Variants in MYH7 observed in about 807,000 individuals in gnomAD.
The protein encoded by MYH7 is myosin heavy chain 7.
MYH7 carries 129 observed loss-of-function variants against 225.4 expected under a neutral mutation model. That is an observed-to-expected ratio of 0.57 (90% CI 0.50 to 0.66). The LOEUF is 0.66. Ranked by LOEUF, MYH7 falls within the 30% of genes least tolerant of loss-of-function variation. The pLI, the probability that MYH7 is intolerant of heterozygous loss-of-function variation, is 0.00. For missense variants in MYH7, 1,649 were observed against 2,517.0 expected (o/e 0.66, Z 7.38); for synonymous variants, 971 against 1,007.6 (o/e 0.96, Z 0.69).
Position 23,417,736 on chromosome 14 carries a change from G to C in MYH7, c.4170-50C>G, listed in dbSNP as rs768581466. ...GTGGGGAGGATGGAGGGTGTGGATG[G>C]GGACAAGAGGAAACAACATGAACCT... On this transcript the variant is annotated intron_variant, in intron 30 of 39. Coordinates refer to ENST00000355349, the MANE Select transcript of MYH7 (RefSeq NM_000257.4). 3.7e-6 allele frequency: 6 copies of C among 1,600,682 alleles called. No individual in the cohort carries two copies. The Admixed American group carries it at 1.0e-4, about 27-fold the overall frequency.
chr14:23,423,859 G>A (rs1249649524), intron 23 of MYH7, 48 bp downstream of exon 23: 1 of 1,613,596 alleles, frequency 6.2e-7, no homozygotes, highest in Non-Finnish European at 8.5e-7. Context: ...AGTATGGTCT[G>A]AGAGTCCTGA....
chr14:23,423,517 T>G, intron 24 of MYH7, 30 bp downstream of exon 24: 1 of 1,609,438 alleles, frequency 6.2e-7, no homozygotes, highest in Non-Finnish European at 8.5e-7. Context: ...ACATGGCATA[T>G]CTAGGCCCCA....
chr14:23,427,953 G>A, intron 15 of MYH7, 59 bp from the exon 16 acceptor site: 2 of 1,602,548 alleles, frequency 1.2e-6, no homozygotes, highest in Admixed American at 1.7e-5. Flanking sequence ...CATGGATTCT[G>A]CTCTATGGTC....
chr14:23,419,397 T>A, intron 28 of MYH7, 86 bp downstream of exon 28: 1 of 1,612,062 alleles, frequency 6.2e-7, no homozygotes, highest in Non-Finnish European at 8.5e-7. Flanking sequence ...TGTGTGTGCG[T>A]GTATTGGCTT....
In MYH7 at chr14:23,425,358, G is replaced by A. The variant is rs727503258; in HGVS notation, c.2347C>T (p.Arg783Cys). The A allele has an allele frequency of 5.0e-6, 8 of 1,614,124 alleles. No homozygotes were observed. The highest frequency in any genetic ancestry group is 6.8e-6 in the Non-Finnish European group (8 of 1,180,032). ...LEEMRDERLS[R>C]IITRIQAQSR... is the part of the protein sequence containing the mutation. ...TGGGCCTGGATACGCGTGATGATGC[G>A]GCTCAGCCTCTCGTCCCTCATTTCC... Residue 783 changes from arginine to cysteine, a missense_variant, in exon 21 of 40, where the codon CGC (arginine) becomes TGC (cysteine). Transcript: ENST00000355349. The surrounding 1 kb of genome is among the most constrained non-coding windows in gnomAD (Gnocchi z 4.6).
At position 23,433,377 on chromosome 14, in the gene MYH7, A is replaced by G; in HGVS notation, c.202-150T>C. ...GAAGACAGAAGGGATATTGGGAAGGAGAGGGCTCTTTGGAGGGTCTGGATT... is the reference window on the plus strand; with the variant it reads ...GAAGACAGAAGGGATATTGGGAAGGGGAGGGCTCTTTGGAGGGTCTGGATT... On this transcript the variant is annotated intron_variant, in intron 3 of 39. Coordinates refer to ENST00000355349, the MANE Select transcript of MYH7 (RefSeq NM_000257.4). The surrounding 1 kb of genome is among the most constrained non-coding windows in gnomAD (Gnocchi z 4.1). 6.9e-7 allele frequency: 1 copy of G among 1,439,224 alleles called. No homozygotes were observed. The highest frequency in any genetic ancestry group is 2.3e-5 in the East Asian group (1 of 43,062). 89.2% of individuals were successfully genotyped at this position (1,439,224 alleles called of 1,614,324 possible).
intron 25 of MYH7, chr14:23,421,652 G>T: frequency 1.4e-6 from 1 of 704,134 alleles, no homozygotes; most frequent in Non-Finnish European, 1.7e-6. Context: ...ATCAAAATAT[G>T]TTCTGCAAGC....
chr14:23,426,280 T>C (rs909373331), intron 18 of MYH7, among the ~76,000 whole-genome samples, 199 bp from the exon 19 acceptor site: 1 of 152,194 alleles, frequency 6.6e-6, no homozygotes, highest in African/African-American at 2.4e-5. Flanking sequence ...CCTATTATCA[T>C]AGGTGGTAGC....
intron 5 of MYH7, 41 bp from the exon 6 acceptor site, chr14:23,432,547 A>T: frequency 6.2e-7 from 1 of 1,614,112 alleles, no homozygotes; most frequent in Non-Finnish European, 8.5e-7. Context: ...GGAGCTGCAC[A>T]GGATGCTCTC....
Position 23,415,863 on chromosome 14 carries a change from G to C in MYH7, c.4954-31C>G, listed in dbSNP as rs747900941. The C allele has an allele frequency of 1.2e-6, 2 of 1,614,116 alleles. No individual in the cohort carries two copies. The highest frequency in any genetic ancestry group is 1.1e-5 in the South Asian group (1 of 91,076). Reference sequence around the variant, plus strand: ...GATCAGGAGAGTGGGCATGAGCAGGGAGCCAGCCTCGGTTCCCTTCACTAA... The same window carrying C: ...GATCAGGAGAGTGGGCATGAGCAGGCAGCCAGCCTCGGTTCCCTTCACTAA... On this transcript the variant is annotated intron_variant, in intron 34 of 39. Coordinates refer to ENST00000355349, the MANE Select transcript of MYH7 (RefSeq NM_000257.4). The surrounding 1 kb of genome is among the most constrained non-coding windows in gnomAD (Gnocchi z 6.3).
At chr14:23,420,538 A>G (rs1346315612) in intron 26 of MYH7, among the ~76,000 whole-genome samples, 1 of 152,214 alleles carries the variant, frequency 6.6e-6, no homozygotes. Flanking sequence ...AAAAGTTGAA[A>G]ATGAGAGAGC....
rs1892507072 is a variant in MYH7 at position 23,422,311 on chromosome 14, C to T, written c.3114G>A (p.Leu1038=). The change falls in exon 25 of 40, where the codon CTG becomes CTA. Residue 1038 remains leucine (L), a synonymous_variant. Transcript: ENST00000355349. ...EQQVDDLEGS[L]EQEKKVRMDL... is the part of the protein sequence containing the mutation. The stretch of plus-strand genomic sequence containing the variant: ...CCATGCGCACCTTCTTCTCTTGCTC[C>T]AGGGATCCTTCCAGCTGGTAGAGAG... The T allele has an allele frequency of 5.0e-6, 8 of 1,614,178 alleles. No individual in the cohort carries two copies. The highest frequency in any genetic ancestry group is 5.9e-6 in the Non-Finnish European group (7 of 1,180,044).
At chr14:23,421,885 A>G in intron 25 of MYH7, 1 of 649,818 alleles carries the variant, frequency 1.5e-6, no homozygotes, top group African/African-American at 2.0e-5. Context: ...ACTGGTCTCC[A>G]AAGAGAGATG....
Position 23,417,631 on chromosome 14 carries a change from C to A in MYH7, c.4225G>T (p.Ala1409Ser). 1 of 1,613,028 alleles carries A rather than the reference C, an allele frequency of 6.2e-7. No homozygotes were observed. Among genetic ancestry groups the A allele is most frequent in the Non-Finnish European group, 8.5e-7 (1 of 1,180,036 alleles). ...GTCTTCTCCAGCGAGGAGCACTTGG[C>A]ATTAACAGCCTCCACGGCCTCCTCA... ...EAEEAVEAVN[A>S]KCSSLEKTKH... Residue 1409 changes from alanine to serine, a missense_variant, in exon 31 of 40, where the codon GCC becomes TCC. Transcript: ENST00000355349.
chr14:23,420,100 C>T lies in MYH7; in HGVS notation c.3471G>A (p.Thr1157=), dbSNP rs1330127925. 1.2e-6 allele frequency: 2 copies of T among 1,603,064 alleles called. No homozygotes were observed. The highest frequency in any genetic ancestry group is 1.1e-5 in the South Asian group (1 of 90,416). ...SERLEEAGGA[T]SVQIEMNKKR... ...TCTTGTTCATCTCGATCTGCACGGACGTGGCCCCGCCGGCCTCTTCCAGCC... is the reference window on the plus strand; with the variant it reads ...TCTTGTTCATCTCGATCTGCACGGATGTGGCCCCGCCGGCCTCTTCCAGCC... Residue 1157 remains threonine, a synonymous_variant, in exon 27 of 40, where the codon ACG becomes ACA. Transcript: ENST00000355349.
rs777844911 is a variant in MYH7 at position 23,427,206 on chromosome 14, G to C, written c.1956+34C>G. ...GGGCTGGGTGGGGTTGGGCAGATGG[G>C]GAGCCAAGTTGGCTGGGGCTGTGTC... is the stretch of plus-strand genomic sequence containing the variant. On this transcript the variant is annotated intron_variant, in intron 17 of 39. Coordinates refer to ENST00000355349, the MANE Select transcript of MYH7 (RefSeq NM_000257.4). 1.9e-6 allele frequency: 3 copies of C among 1,610,818 alleles called. No individual in the cohort carries two copies. In the East Asian group the frequency reaches 6.7e-5, roughly 36 times the overall value.
At chr14:23,432,598 A>G (rs1442897882) in intron 5 of MYH7, 41 bp downstream of exon 5, 2 of 1,614,038 alleles carry the variant, frequency 1.2e-6, no homozygotes, top group African/African-American at 1.3e-5. Context: ...CTCCCGGCCT[A>G]TCCCAGTTCC....
At chr14:23,421,880 T>A in intron 25 of MYH7, 1 of 695,132 alleles carries the variant, frequency 1.4e-6, no homozygotes, top group Non-Finnish European at 1.8e-6. Flanking sequence ...AAGGAACTGG[T>A]CTCCAAAGAG....
In MYH7 at chr14:23,415,504, G is replaced by T; in HGVS notation, c.5160C>A (p.Asn1720Lys). 6.2e-7 allele frequency: 1 copy of T among 1,614,214 alleles called. No homozygotes were observed. Among genetic ancestry groups the T allele is most frequent in the Non-Finnish European group, 8.5e-7 (1 of 1,180,046 alleles). ...TCTTCTTCTGGTTGATGAGGCTGGT[G>T]TTCTGGGTTGGGGGAGGGTTGGGCA... ...SERVQLLHSQNTSLINQKKKM... is the reference protein window; with the variant it reads ...SERVQLLHSQKTSLINQKKKM... Residue 1720 changes from asparagine (N) to lysine (K), a missense_variant and splice_region_variant, in exon 36 of 40, where the codon AAC (asparagine) becomes AAA (lysine). Around this residue, in one of 12 missense-constraint regions of MYH7, gnomAD observed 687 missense variants for 913.8 expected, o/e 0.75. Coordinates refer to ENST00000355349, the MANE Select transcript of MYH7 (RefSeq NM_000257.4). This position sits in a 1 kb window ranked among gnomAD's most constrained non-coding sequence, Gnocchi z 6.3.
Sources: allele counts gnomAD v4.1 joint callset (sites outside exome capture counted in the v4.1 genomes callset), GRCh38; gene constraint gnomAD v4.1.1; regional missense constraint gnomAD v4.1.1; non-coding constraint Gnocchi (gnomAD v3.1); transcripts MANE v1.5; gene names NCBI Gene and HGNC (gene_info 2026-07-23, HGNC 2026-07-21).